Variants in FRMD6 observed in about 807,000 individuals in gnomAD.
FRMD6 encodes FERM domain-containing protein 6.
Under a neutral mutation model 73.2 loss-of-function variants are expected in FRMD6, and 37 were observed. The ratio of observed to expected loss-of-function variants is 0.51; its 90% CI spans 0.39 to 0.66. FRMD6 has a LOEUF of 0.66. FRMD6 is among the 30% of genes least tolerant of loss of function. FRMD6 has a pLI of 0.00. For missense variants in FRMD6, 714 were observed against 780.5 expected, an observed-to-expected ratio of 0.91 and a Z score of 1.02; for synonymous variants, 273 against 282.2, an observed-to-expected ratio of 0.97 and a Z score of 0.33.
chr14:51,660,879 G>C (rs981075554), intron 1 of FRMD6, among the ~76,000 whole-genome samples: 1 of 152,222 alleles, frequency 6.6e-6, no homozygotes, highest in Non-Finnish European at 1.5e-5. Flanking sequence ...GGGGAAAAGT[G>C]TTGCAGCAGA....
chr14:51,629,062 G>A (rs993667575), intron 2 of FRMD6, among the ~76,000 whole-genome samples: 1 of 151,828 alleles, frequency 6.6e-6, no homozygotes, highest in East Asian at 2.0e-4. Context: ...ATTTTTAGTA[G>A]AGACGGGGTT....
the FRMD6 span, among the ~76,000 whole-genome samples, chr14:51,460,834 G>A: frequency 6.6e-6 from 1 of 152,198 alleles, no homozygotes; most frequent in Non-Finnish European, 1.5e-5. Context: ...TTTTAAAACT[G>A]TGGTAATAAG....
rs1555328721 is a variant in FRMD6, at chr14:51,628,880, T to TTC, written c.-147+58471_-147+58472insCT. 2.8e-4 allele frequency among the ~76,000 whole-genome samples: 38 copies of TTC among 134,974 alleles called. 1 individual carries two copies. The highest frequency in any genetic ancestry group is 2.4e-4 in the South Asian group (1 of 4,226). The allele number at this position is 134,974 out of a possible 152,430, so 88.5% of individuals were successfully genotyped here. On this transcript the variant is annotated intron_variant, in intron 2 of 14. Transcript: ENST00000356218. ...ATCTACCTTTTTCTTTTCTTTTCTT[T>TTC]TTTTTTTTTTTTTTGAGACGGAGTC...
At chr14:51,554,766 C>A (rs942107194) in intron 1 of FRMD6, 1 of 152,174 alleles carries the variant, frequency 6.6e-6, no homozygotes, top group Non-Finnish European at 1.5e-5. Context: ...AATTTCCATT[C>A]GCATCCAAAA....
chr14:51,718,414 G>A (rs972461083), intron 10 of FRMD6, among the ~76,000 whole-genome samples: 4 of 152,176 alleles, frequency 2.6e-5, no homozygotes, highest in Non-Finnish European at 4.4e-5. Context: ...AAATTATTAG[G>A]TCCACAGTTC....
At chr14:51,671,244 TGG>T (rs2140239816) in intron 1 of FRMD6, among the ~76,000 whole-genome samples, 1 of 152,184 alleles carries the variant, frequency 6.6e-6, no homozygotes, top group Non-Finnish European at 1.5e-5. Flanking sequence ...TGGGAAATGA[TGG>T]CCTCATAGAA....
intron 1 of FRMD6, among the ~76,000 whole-genome samples, chr14:51,541,577 A>T (rs965085744): frequency 1.3e-5 from 2 of 152,072 alleles, no homozygotes; most frequent in Non-Finnish European, 2.9e-5. Context: ...CTTTTCAAGG[A>T]TCTTGGCTGT....
At chr14:51,599,554 C>G (rs1889915594) in intron 2 of FRMD6, among the ~76,000 whole-genome samples, 1 of 152,116 alleles carries the variant, frequency 6.6e-6, no homozygotes, top group Non-Finnish European at 1.5e-5. Context: ...AGTAAACAGA[C>G]AACCTATGAA....
intron 2 of FRMD6, among the ~76,000 whole-genome samples, chr14:51,589,935 G>A (rs1408034549): frequency 1.3e-5 from 2 of 152,276 alleles, no homozygotes; most frequent in African/African-American, 4.8e-5. Flanking sequence ...GGGCGTGGTG[G>A]CAGGCACCTG....
At chr14:51,411,154 C>T in the FRMD6 span, among the ~76,000 whole-genome samples, 1 of 152,156 alleles carries the variant, frequency 6.6e-6, no homozygotes, top group Non-Finnish European at 1.5e-5. Flanking sequence ...GCAGCCACTC[C>T]ACAGGCTGGC....
chr14:51,536,456 C>T (rs1038959819), intron 1 of FRMD6, among the ~76,000 whole-genome samples: 4 of 151,350 alleles, frequency 2.6e-5, no homozygotes, highest in Admixed American at 2.6e-4. Context: ...TCGCTCTTGT[C>T]CCCCAGGCTG....
chr14:51,645,163 A>G (rs909653227), intron 2 of FRMD6, among the ~76,000 whole-genome samples: 1 of 152,228 alleles, frequency 6.6e-6, no homozygotes, highest in African/African-American at 2.4e-5. Context: ...ATTTTCTGGC[A>G]TTTGGTTTCA....
At chr14:51,582,100 G>T (rs991339646) in intron 2 of FRMD6, among the ~76,000 whole-genome samples, 11 of 152,152 alleles carry the variant, frequency 7.2e-5, no homozygotes, top group African/African-American at 2.7e-4. Context: ...ATAAGTATTT[G>T]TGACTACGTC....
At chr14:51,616,835 AAGC>A (rs1890734687) in intron 2 of FRMD6, among the ~76,000 whole-genome samples, 1 of 152,242 alleles carries the variant, frequency 6.6e-6, no homozygotes, top group South Asian at 2.1e-4. Flanking sequence ...CCACTTGGAG[AAGC>A]AAAGGAACCA....
intron 12 of FRMD6, chr14:51,724,181 T>G (rs1170857975): frequency 6.6e-6 from 1 of 151,698 alleles, no homozygotes; most frequent in Non-Finnish European, 1.5e-5. Flanking sequence ...AAGGATGACA[T>G]GCAAATTTGT....
At chr14:51,461,653 T>C in the FRMD6 span, among the ~76,000 whole-genome samples, 1 of 152,224 alleles carries the variant, frequency 6.6e-6, no homozygotes, top group Non-Finnish European at 1.5e-5. Context: ...ATAATATTGG[T>C]GAGGGCCCCA....
chr14:51,399,892 G>T, the FRMD6 span, among the ~76,000 whole-genome samples: 1 of 151,380 alleles, frequency 6.6e-6, no homozygotes, highest in Non-Finnish European at 1.5e-5. Context: ...GAGAATTTTT[G>T]AATTTATTTT....
At chr14:51,619,935 C>T (rs866348635) in intron 2 of FRMD6, among the ~76,000 whole-genome samples, 2 of 152,146 alleles carry the variant, frequency 1.3e-5, no homozygotes, top group Admixed American at 6.5e-5. Flanking sequence ...CAGAAGGCAA[C>T]GGGGTAATTC....
At chr14:51,461,258 A>G in the FRMD6 span, among the ~76,000 whole-genome samples, 1 of 152,228 alleles carries the variant, frequency 6.6e-6, no homozygotes, top group Non-Finnish European at 1.5e-5. Context: ...CTCTTAGACT[A>G]CAGCAAGGTA....
Sources: gnomAD v4.1 joint callset for allele counts (sites outside exome capture counted in the v4.1 genomes callset) on GRCh38, gnomAD v4.1.1 for gene constraint, MANE v1.5 for transcripts, NCBI Gene and HGNC (gene_info 2026-07-23, HGNC 2026-07-21) for gene names.